Variants in FHOD3 observed in about 807,000 individuals in gnomAD.
FHOD3 encodes formin homology 2 domain containing 3.
Under a neutral mutation model 173.0 loss-of-function variants are expected in FHOD3, and 90 were observed. That is an observed-to-expected ratio of 0.52 (90% CI 0.44 to 0.62). The LOEUF (loss-of-function observed/expected upper bound fraction) is 0.62, where lower values mean the gene tolerates loss of function less well. Ranked by LOEUF, FHOD3 falls within the 20% of genes least tolerant of loss-of-function variation. The pLI, the probability that FHOD3 is intolerant of heterozygous loss-of-function variation, is 0.00. For missense variants in FHOD3, 1,945 were observed against 2,034.7 expected (o/e 0.96, Z 0.85); for synonymous variants, 828 against 823.0 (o/e 1.01, Z -0.10).
intron 23 of FHOD3, among the ~76,000 whole-genome samples, chr18:36,746,253 C>T (rs1020076851): frequency 6.6e-6 from 1 of 152,214 alleles, no homozygotes; most frequent in African/African-American, 2.4e-5. Context: ...CTCACCCACA[C>T]ACAGGCACAC....
chr18:36,313,357 G>A (rs1031709120), intron 1 of FHOD3, among the ~76,000 whole-genome samples: 4 of 152,140 alleles, frequency 2.6e-5, no homozygotes, highest in African/African-American at 9.7e-5. Flanking sequence ...TTTCATATAT[G>A]CATAAGTTTT....
chr18:36,421,829 C>T (rs2049999857), intron 3 of FHOD3, among the ~76,000 whole-genome samples: 1 of 152,090 alleles, frequency 6.6e-6, no homozygotes, highest in African/African-American at 2.4e-5. Context: ...TGTGGATAGG[C>T]AGTCTATAGT....
chr18:36,643,151 G>A (rs917696873), intron 10 of FHOD3, among the ~76,000 whole-genome samples: 15 of 151,884 alleles, frequency 9.9e-5, no homozygotes, highest in African/African-American at 3.6e-4. Flanking sequence ...GAGGGCATTT[G>A]GGTCATTTCC....
At chr18:36,482,856 CACAGAGAGAGAGAG>C (rs749692380) in intron 3 of FHOD3, among the ~76,000 whole-genome samples, 184 of 63,960 alleles carry the variant, frequency 2.9e-3, no homozygotes, top group South Asian at 5.9e-3. Context: ...CTCACACACA[CACAGAGAGAGAGAG>C]AGAGAGAGAG....
At chr18:36,682,887 G>A (rs2038349286) in intron 15 of FHOD3, among the ~76,000 whole-genome samples, 1 of 152,190 alleles carries the variant, frequency 6.6e-6, no homozygotes, top group South Asian at 2.1e-4. Flanking sequence ...CCAATAACTT[G>A]TGCTTTTCTG....
At chr18:36,594,403 A>G (rs537772896) in intron 6 of FHOD3, among the ~76,000 whole-genome samples, 2 of 152,254 alleles carry the variant, frequency 1.3e-5, no homozygotes, top group South Asian at 4.2e-4. Flanking sequence ...AAAAATAAGA[A>G]TGGTGCTTAT....
At chr18:36,391,469 G>A (rs1043526184) in intron 3 of FHOD3, among the ~76,000 whole-genome samples, 1 of 152,152 alleles carries the variant, frequency 6.6e-6, no homozygotes, top group East Asian at 1.9e-4. Flanking sequence ...TCCTACAGGG[G>A]ATATACCATA....
rs9958891 is a variant in FHOD3 at position 36,468,537 on chromosome 18, G to T, written c.338-33395G>T. On this transcript the variant is annotated intron_variant, in intron 3 of 28. Transcript: ENST00000590592. ...AGCTCCTTCTGGCTGTGCCCTGTGG[G>T]TGTGAGCCAGTGGAAGGGAAGGTGA... Among the ~76,000 whole-genome samples, 91 of 152,328 alleles carry T rather than the reference G, an allele frequency of 6.0e-4. 1 individual carries two copies. Among genetic ancestry groups the T allele is most frequent in the African/African-American group, 2.1e-3 (88 of 41,572 alleles).
At position 36,681,414 on chromosome 18, in the gene FHOD3, CAT is replaced by C. The variant is rs763417828; in HGVS notation, c.1836-21_1836-20del. The C allele has an allele frequency of 6.2e-7, 1 of 1,613,134 alleles. No homozygotes were observed. The highest frequency in any genetic ancestry group is 8.5e-7 in the Non-Finnish European group (1 of 1,179,452). On this transcript the variant is annotated intron_variant, in intron 14 of 28. Coordinates refer to ENST00000590592, the MANE Select transcript of FHOD3 (RefSeq NM_001281740.3). ...TTAATCACAGGCCAAGCAACTGAAA[CAT>C]TAACTCATTGTATCTCCAGGTCATC...
intron 5 of FHOD3, among the ~76,000 whole-genome samples, chr18:36,526,362 T>C (rs897813486): frequency 3.3e-5 from 5 of 152,262 alleles, no homozygotes; most frequent in Non-Finnish European, 7.3e-5. Flanking sequence ...CAATCCTGTA[T>C]CATTTATTTC....
chr18:36,370,007 C>T lies in FHOD3; in HGVS notation c.273-2673C>T, dbSNP rs141292693. ...TTGTTTTCCTCATCTGCAAAATGGA[C>T]ACAGAAGTAGTACCTACATCAGAGG... On this transcript the variant is annotated intron_variant, in intron 2 of 28. Transcript: ENST00000590592. Among the ~76,000 whole-genome samples, 1,275 of 152,244 alleles carry T rather than the reference C, an allele frequency of 8.4e-3. 15 individuals carry two copies. The highest frequency in any genetic ancestry group is 0.029 in the African/African-American group (1,224 of 41,528).
At position 36,652,675 on chromosome 18, in the gene FHOD3, T is replaced by C; in HGVS notation, c.1392T>C (p.Leu464=). ...VSNASSQGKP[L]LVGTAGGTTW... ...ATGCCAGCTCGCAGGGAAAGCCGCTTCTGGTTGGCACTGCAGGCGGGACCA... is the reference window on the plus strand; with the variant it reads ...ATGCCAGCTCGCAGGGAAAGCCGCTCCTGGTTGGCACTGCAGGCGGGACCA... Residue 464 remains leucine (L), a synonymous_variant, in exon 12 of 29, where the codon CTT becomes CTC. Coordinates refer to ENST00000590592, the MANE Select transcript of FHOD3 (RefSeq NM_001281740.3). 1 of 1,535,686 alleles carries C rather than the reference T, an allele frequency of 6.5e-7. No homozygotes were observed.
chr18:36,574,328 T>C (rs1210451262), intron 5 of FHOD3, among the ~76,000 whole-genome samples: 2 of 152,208 alleles, frequency 1.3e-5, no homozygotes, highest in Non-Finnish European at 2.9e-5. Context: ...ACCTTATTAT[T>C]ATTTTAATTT....
intron 3 of FHOD3, among the ~76,000 whole-genome samples, chr18:36,418,227 G>A (rs1199665915): frequency 6.6e-6 from 1 of 152,184 alleles, no homozygotes. Context: ...CAGAGTGGTT[G>A]TGGTGATCTG....
chr18:36,389,764 G>A (rs2048207012), intron 3 of FHOD3, among the ~76,000 whole-genome samples: 1 of 152,118 alleles, frequency 6.6e-6, no homozygotes. Context: ...CAGATCCCCA[G>A]GAGGACATGT....
rs114186191 is a variant in FHOD3, at chr18:36,443,663, G to C, written c.338-58269G>C. ...TTAGAAACCAAGATCTTGAAGGCTG[G>C]ATGTGCTCATTGATACTGGGGTGTT... is the stretch of plus-strand genomic sequence containing the variant. On this transcript the variant is annotated intron_variant, in intron 3 of 28. Transcript: ENST00000590592. Among the ~76,000 whole-genome samples the C allele has an allele frequency of 7.6e-3, 1,162 of 152,280 alleles. 11 individuals are homozygous for C. Among genetic ancestry groups the C allele is most frequent in the African/African-American group, 0.027 (1,109 of 41,538 alleles).
intron 3 of FHOD3, among the ~76,000 whole-genome samples, chr18:36,458,274 T>G (rs2052340067): frequency 6.6e-6 from 1 of 152,244 alleles, no homozygotes; most frequent in Admixed American, 6.5e-5. Context: ...AGTAATTAGT[T>G]TGAGCAGTAG....
chr18:36,482,616 G>T (rs917122265), intron 3 of FHOD3, among the ~76,000 whole-genome samples: 1 of 152,178 alleles, frequency 6.6e-6, no homozygotes, highest in Non-Finnish European at 1.5e-5. Flanking sequence ...TGCAGACCCC[G>T]TGGTTCCTCT....
chr18:36,384,916 A>ACCACCACCG (rs977112024), intron 3 of FHOD3, among the ~76,000 whole-genome samples: 1 of 151,516 alleles, frequency 6.6e-6, no homozygotes, highest in African/African-American at 2.4e-5. Context: ...CACCACCACC[A>ACCACCACCG]CCACCACCAC....
Sources: gnomAD v4.1 joint callset for allele counts (sites outside exome capture counted in the v4.1 genomes callset) on GRCh38, gnomAD v4.1.1 for gene constraint, MANE v1.5 for transcripts, NCBI Gene and HGNC (gene_info 2026-07-23, HGNC 2026-07-21) for gene names.